The following TYW1B variants were observed in gnomAD, a reference collection of about 807,000 sequenced individuals.
TYW1B encodes tRNA-yW synthesizing protein 1 homolog B.
A neutral mutation model predicts 86.9 loss-of-function variants in TYW1B; 73 were observed. The ratio of observed to expected loss-of-function variants is 0.84; its 90% confidence interval spans 0.70 to 1.02. The LOEUF (loss-of-function observed/expected upper bound fraction) is 1.02. TYW1B is among the 50% of genes least tolerant of loss of function. The probability of loss-of-function intolerance (pLI) is 0.00; values close to 1 mark genes in which losing one functional copy is unlikely to be tolerated. For missense variants in TYW1B, 637 were observed against 827.4 expected, an observed-to-expected ratio of 0.77 and a Z score of 2.82; for synonymous variants, 248 against 292.8, an observed-to-expected ratio of 0.85 and a Z score of 1.56.
chr7:72,800,110 CTATA>C (rs1788378960), intron 6 of TYW1B, among the ~76,000 whole-genome samples: 1 of 151,942 alleles, frequency 6.6e-6, no homozygotes, highest in African/African-American at 2.4e-5. Flanking sequence ...ATTCTACTAT[CTATA>C]TAATTTTTTC....
At chr7:72,677,043 T>C (rs1420511936) in intron 11 of TYW1B, among the ~76,000 whole-genome samples, 1 of 152,066 alleles carries the variant, frequency 6.6e-6, no homozygotes, top group Non-Finnish European at 1.5e-5. Flanking sequence ...TGTTCTCGAG[T>C]TAGGTAGTGA....
At chr7:72,781,914 G>C (rs1788056420) in intron 6 of TYW1B, among the ~76,000 whole-genome samples, 1 of 152,188 alleles carries the variant, frequency 6.6e-6, no homozygotes, top group Non-Finnish European at 1.5e-5. Flanking sequence ...TAAACTGACA[G>C]GACTACATGA....
chr7:72,780,139 T>C (rs1443336109), intron 6 of TYW1B, among the ~76,000 whole-genome samples: 2 of 152,224 alleles, frequency 1.3e-5, no homozygotes, highest in African/African-American at 4.8e-5. Context: ...AGGAATCCTT[T>C]GCCTTTTGTT....
At chr7:72,743,269 G>C (rs1281531706) in intron 8 of TYW1B, among the ~76,000 whole-genome samples, 1 of 152,142 alleles carries the variant, frequency 6.6e-6, no homozygotes, top group Non-Finnish European at 1.5e-5. Context: ...AAGGACAGAA[G>C]CAGAAAGAAG....
chr7:72,682,986 T>C (rs35729692), intron 11 of TYW1B, among the ~76,000 whole-genome samples: 4 of 152,222 alleles, frequency 2.6e-5, no homozygotes, highest in Non-Finnish European at 5.9e-5. Flanking sequence ...CTTGTGCTTC[T>C]GGTAAGGGGA....
intron 13 of TYW1B, among the ~76,000 whole-genome samples, chr7:72,612,687 G>T (rs2960979): frequency 1.3e-5 from 2 of 152,080 alleles, no homozygotes; most frequent in Non-Finnish European, 2.9e-5. Flanking sequence ...ATCTGAGGAC[G>T]TACAACCTCA....
At chr7:72,666,964 G>A (rs1230558120) in intron 11 of TYW1B, among the ~76,000 whole-genome samples, 6 of 137,868 alleles carry the variant, frequency 4.4e-5, no homozygotes, top group Admixed American at 8.1e-5. Context: ...CCTGGGAGGC[G>A]GAGCTTGCAG....
chr7:72,597,958 T>C (rs1176458545), intron 13 of TYW1B, among the ~76,000 whole-genome samples: 1 of 152,108 alleles, frequency 6.6e-6, no homozygotes, highest in Non-Finnish European at 1.5e-5. Flanking sequence ...ATAAGGACAG[T>C]ACAGAAAGGA....
intron 6 of TYW1B, among the ~76,000 whole-genome samples, chr7:72,794,257 C>A (rs1263756629): frequency 1.3e-5 from 2 of 152,052 alleles, no homozygotes; most frequent in South Asian, 2.1e-4. Context: ...AACTAAGCAG[C>A]CATCAGTATA....
rs782689330 is a variant in TYW1B at position 72,810,597 on chromosome 7, T to C, written c.306A>G (p.Ala102=). ...TYTDGLPTES[A]EWFCKWLEEA... ...CCTCTAACCATTTGCAGAACCACTCTGCACTTTCGGTTGGTAGGCCGTCAG... is the reference window on the plus strand; with the variant it reads ...CCTCTAACCATTTGCAGAACCACTCCGCACTTTCGGTTGGTAGGCCGTCAG... Residue 102 remains alanine, a synonymous_variant, in exon 4 of 14, where the codon GCA becomes GCG. Transcript: ENST00000620995. The C allele has an allele frequency of 1.9e-6, 3 of 1,613,990 alleles. No homozygotes were observed. Among genetic ancestry groups the C allele is most frequent in the East Asian group, 2.2e-5 (1 of 44,882 alleles).
At chr7:72,596,070 G>C (rs1465794315) in intron 13 of TYW1B, among the ~76,000 whole-genome samples, 2 of 151,312 alleles carry the variant, frequency 1.3e-5, no homozygotes, top group Non-Finnish European at 2.9e-5. Flanking sequence ...CAGCTACTTG[G>C]GAGGCTGAGG....
intron 13 of TYW1B, among the ~76,000 whole-genome samples, chr7:72,578,397 G>A (rs1486882297): frequency 2.6e-5 from 4 of 152,172 alleles, no homozygotes; most frequent in African/African-American, 7.2e-5. Context: ...TAACAGGCAT[G>A]AGCCACTGCA....
intron 13 of TYW1B, among the ~76,000 whole-genome samples, chr7:72,593,249 C>T (rs1462702247): frequency 4.0e-5 from 6 of 150,922 alleles, no homozygotes; most frequent in Non-Finnish European, 7.4e-5. Flanking sequence ...GCCGAGATCA[C>T]GCCACTGCAC....
intron 7 of TYW1B, among the ~76,000 whole-genome samples, chr7:72,763,332 G>T (rs13312338): frequency 0.68 from 96,384 of 141,508 alleles, 33,752 homozygotes; most frequent in Non-Finnish European, 0.76. Flanking sequence ...ACCTAGGCTG[G>T]AGTGCAGTGG....
At chr7:72,725,923 C>T (rs1345101336) in intron 9 of TYW1B, among the ~76,000 whole-genome samples, 27 of 152,164 alleles carry the variant, frequency 1.8e-4, no homozygotes, top group African/African-American at 6.5e-4. Flanking sequence ...CATACACACA[C>T]ACCCATTGGT....
At chr7:72,788,319 A>C (rs1240595847) in intron 6 of TYW1B, among the ~76,000 whole-genome samples, 1 of 152,130 alleles carries the variant, frequency 6.6e-6, no homozygotes, top group African/African-American at 2.4e-5. Context: ...GGGCTTCAAA[A>C]TACAAAAGCT....
At chr7:72,708,096 C>T (rs1328757227) in intron 10 of TYW1B, among the ~76,000 whole-genome samples, 2 of 152,150 alleles carry the variant, frequency 1.3e-5, no homozygotes, top group African/African-American at 4.8e-5. Context: ...ACAAATTACC[C>T]AGTCTCAGTT....
At chr7:72,730,703 G>A (rs1391617226) in intron 8 of TYW1B, among the ~76,000 whole-genome samples, 1 of 151,660 alleles carries the variant, frequency 6.6e-6, no homozygotes, top group Non-Finnish European at 1.5e-5. Context: ...AGAGCAGGAG[G>A]AGGAGCAGCA....
chr7:72,670,453 A>G (rs1813570770), intron 11 of TYW1B, among the ~76,000 whole-genome samples: 1 of 152,222 alleles, frequency 6.6e-6, no homozygotes, highest in African/African-American at 2.4e-5. Flanking sequence ...GGCCTCCCAA[A>G]GTGCCAGGAT....
Sources: gnomAD v4.1 joint callset for allele counts (sites outside exome capture counted in the v4.1 genomes callset) on GRCh38, gnomAD v4.1.1 for gene constraint, MANE v1.5 for transcripts, NCBI Gene and HGNC (gene_info 2026-07-23, HGNC 2026-07-21) for gene names.